Variants in CRYBG3 observed in about 807,000 individuals in gnomAD.
CRYBG3 encodes the protein crystallin beta-gamma domain containing 3, also known as very large A-kinase anchor protein.
CRYBG3 carries 127 observed loss-of-function variants against 244.2 expected under a neutral mutation model. The ratio of observed to expected loss-of-function variants is 0.52; its 90% CI spans 0.45 to 0.60. CRYBG3 has a LOEUF of 0.60. CRYBG3 is among the 20% of genes least tolerant of loss of function. The pLI, the probability that CRYBG3 is intolerant of heterozygous loss-of-function variation, is 0.00. For missense variants in CRYBG3, 3,325 were observed against 3,442.5 expected, an observed-to-expected ratio of 0.97 and a Z score of 0.85; for synonymous variants, 1,132 against 1,195.8, an observed-to-expected ratio of 0.95 and a Z score of 1.10.
chr3:97,853,517 A>C (rs576431940), intron 2 of CRYBG3, among the ~76,000 whole-genome samples: 1 of 152,202 alleles, frequency 6.6e-6, no homozygotes, highest in East Asian at 1.9e-4. Context: ...TGCTATAAAC[A>C]TGTGAGTGCA....
Position 97,873,345 on chromosome 3 carries a change from T to C in CRYBG3, c.2151T>C (p.Pro717=). ...NHVEAAGRKS[P]PPSFCLEYTS... ...TTGAGGCTGCAGGCAGGAAGAGTCC[T>C]CCTCCTTCCTTTTGCCTTGAATATA... The change falls in exon 4 of 22, where the codon CCT becomes CCC. Residue 717 remains proline, a synonymous_variant. Coordinates refer to ENST00000389622, the MANE Select transcript of CRYBG3 (RefSeq NM_153605.4). The C allele has an allele frequency of 6.5e-7, 1 of 1,535,952 alleles. No individual in the cohort carries two copies. Among genetic ancestry groups the C allele is most frequent in the Non-Finnish European group, 8.7e-7 (1 of 1,146,780 alleles).
intron 21 of CRYBG3, 177 bp downstream of exon 21, chr3:97,942,620 C>A: frequency 1.7e-6 from 1 of 576,716 alleles, no homozygotes; most frequent in Non-Finnish European, 2.9e-6. Context: ...CAGAAAAAGC[C>A]AAACAACAAA....
At position 97,875,302 on chromosome 3, in the gene CRYBG3, C is replaced by A. The variant is rs1006845762; in HGVS notation, c.4108C>A (p.Gln1370Lys). 2 of 1,448,540 alleles carry A rather than the reference C, an allele frequency of 1.4e-6. No individual in the cohort carries two copies. The highest frequency in any genetic ancestry group is 1.4e-5 in the African/African-American group (1 of 69,868). 89.7% of individuals were successfully genotyped at this position (1,448,540 alleles called of 1,614,324 possible). A position where few individuals can be genotyped will look rare whatever the true frequency, so the allele number is the denominator to read the frequency against. The change falls in exon 4 of 22, where the codon CAA (glutamine) becomes AAA (lysine). Residue 1370 changes from glutamine to lysine, a missense_variant. Coordinates refer to ENST00000389622, the MANE Select transcript of CRYBG3 (RefSeq NM_153605.4). ...VSEQPVNQST[Q>K]ISENKVLNEF... ...AGAACAGCCAGTAAATCAAAGCACA[C>A]AAATTAGTGAAAATAAAGTATTAAA...
chr3:97,858,933 C>G (rs1190480835), intron 2 of CRYBG3, among the ~76,000 whole-genome samples: 1 of 151,822 alleles, frequency 6.6e-6, no homozygotes, highest in East Asian at 1.9e-4. Context: ...GGAATAAGTA[C>G]CTTCTTCAAT....
chr3:97,911,057 A>C (rs1444641035), intron 15 of CRYBG3, among the ~76,000 whole-genome samples: 1 of 152,210 alleles, frequency 6.6e-6, no homozygotes, highest in Admixed American at 6.5e-5. Flanking sequence ...TGCAAGCCAC[A>C]GATGATATGG....
chr3:97,888,201 G>A (rs2039531737), intron 8 of CRYBG3, 140 bp from the exon 9 acceptor site: 1 of 597,858 alleles, frequency 1.7e-6, no homozygotes, highest in East Asian at 2.8e-5. Flanking sequence ...TATAATGTCT[G>A]GCTCTCACTT....
intron 17 of CRYBG3, among the ~76,000 whole-genome samples, chr3:97,916,372 C>T (rs572702066): frequency 1.3e-5 from 2 of 152,212 alleles, no homozygotes; most frequent in African/African-American, 4.8e-5. Context: ...TCTGGGTCAC[C>T]TCTGAGGCCC....
At chr3:97,899,945 T>C (rs1379387230) in intron 14 of CRYBG3, among the ~76,000 whole-genome samples, 2 of 152,192 alleles carry the variant, frequency 1.3e-5, no homozygotes, top group Non-Finnish European at 2.9e-5. Context: ...CCTACAATAT[T>C]ACTTAATATG....
At chr3:97,906,441 T>A (rs2108245210) in intron 15 of CRYBG3, among the ~76,000 whole-genome samples, 1 of 111,074 alleles carries the variant, frequency 9.0e-6, no homozygotes, top group Non-Finnish European at 1.9e-5. Flanking sequence ...TTTGTAGTTC[T>A]CCTTGAAGAG....
intron 17 of CRYBG3, among the ~76,000 whole-genome samples, chr3:97,922,247 C>T (rs1001758194): frequency 6.6e-6 from 1 of 152,088 alleles, no homozygotes; most frequent in African/African-American, 2.4e-5. Context: ...AGAAGAAAAC[C>T]TAAGCAATAC....
chr3:97,849,238 G>T (rs1448127012), intron 2 of CRYBG3, among the ~76,000 whole-genome samples: 1 of 152,156 alleles, frequency 6.6e-6, no homozygotes, highest in Non-Finnish European at 1.5e-5. Context: ...TTGCCTTCTT[G>T]CCATATAAAG....
At chr3:97,898,435 T>C (rs1390071127) in intron 12 of CRYBG3, among the ~76,000 whole-genome samples, 1 of 152,170 alleles carries the variant, frequency 6.6e-6, no homozygotes, top group Non-Finnish European at 1.5e-5. Flanking sequence ...CTCTCATCAT[T>C]TTAAATTTTA....
chr3:97,942,882 A>G (rs901928101), intron 21 of CRYBG3: 1 of 251,060 alleles, frequency 4.0e-6, no homozygotes, highest in Non-Finnish European at 7.4e-6. Context: ...TGTTGCTTTA[A>G]TTGGGTTAGT....
rs529323079 is a variant in CRYBG3 at position 97,872,056 on chromosome 3, A to G, written c.862A>G (p.Thr288Ala). 1.8e-5 allele frequency: 27 copies of G among 1,535,798 alleles called. No individual in the cohort carries two copies. The African/African-American group carries it at 3.3e-4, about 19-fold the overall frequency. The change falls in exon 4 of 22, where the codon ACA becomes GCA. Residue 288 changes from threonine to alanine, a missense_variant. Physicochemically the swap from Thr to Ala is moderately conservative, Grantham distance 58 (BLOSUM62 0). Around this residue, in one of 4 missense-constraint regions of CRYBG3, gnomAD observed 1,526 missense variants for 1,443.2 expected, o/e 1.06. Coordinates refer to ENST00000389622, the MANE Select transcript of CRYBG3 (RefSeq NM_153605.4). ...ACTGCCACTGTTGTTATCAGCTAGT[A>G]CAGACTCATCTATGAAAGGAAATCT... The part of the protein sequence containing the change: ...GVLPLLLSAS[T>A]DSSMKGNLLE...
At chr3:97,910,772 C>A (rs1043298108) in intron 15 of CRYBG3, among the ~76,000 whole-genome samples, 2 of 152,136 alleles carry the variant, frequency 1.3e-5, no homozygotes, top group African/African-American at 2.4e-5. Context: ...GGCTCCTCCC[C>A]CTTCTTTTAT....
At chr3:97,912,318 C>A in intron 16 of CRYBG3, 42 bp downstream of exon 16, 2 of 995,994 alleles carry the variant, frequency 2.0e-6, no homozygotes, top group Non-Finnish European at 3.0e-6. Context: ...TATTTAATAA[C>A]TAATACTTTT....
At chr3:97,887,279 T>C (rs181616356) in intron 8 of CRYBG3, among the ~76,000 whole-genome samples, 41 of 152,176 alleles carry the variant, frequency 2.7e-4, no homozygotes, top group African/African-American at 9.2e-4. Flanking sequence ...GGACTATGGG[T>C]CTAAGTTCAG....
At chr3:97,861,116 C>A (rs1267050718) in intron 2 of CRYBG3, among the ~76,000 whole-genome samples, 3 of 152,122 alleles carry the variant, frequency 2.0e-5, no homozygotes, top group Non-Finnish European at 2.9e-5. Flanking sequence ...TCCTCACCCA[C>A]CACTTCTAAC....
At position 97,943,976 on chromosome 3, in the gene CRYBG3, C is replaced by CAAAT. The variant is rs1334262537; in HGVS notation, c.*669_*672dup. 2 of 151,866 alleles carry CAAAT rather than the reference C, an allele frequency of 1.3e-5. No homozygotes were observed. Among genetic ancestry groups the CAAAT allele is most frequent in the African/African-American group, 4.8e-5 (2 of 41,364 alleles). The allele number at this position is 151,866 out of a possible 1,614,324, so 9.4% of individuals were successfully genotyped here. Reference sequence around the variant, plus strand: ...CTCAGTCCTTCAAACTAAAAAAGTACAAATAAATAACCTATGGCCAAACTT... The same window carrying CAAAT: ...CTCAGTCCTTCAAACTAAAAAAGTACAAATAAATAAATAACCTATGGCCAAACTT... On this transcript the variant is annotated 3_prime_UTR_variant, in exon 22 of 22. Coordinates refer to ENST00000389622, the MANE Select transcript of CRYBG3 (RefSeq NM_153605.4).
Sources: gnomAD v4.1 joint callset for allele counts (sites outside exome capture counted in the v4.1 genomes callset) on GRCh38, gnomAD v4.1.1 for gene constraint, gnomAD v4.1.1 regional missense constraint, MANE v1.5 for transcripts, NCBI Gene and HGNC (gene_info 2026-07-23, HGNC 2026-07-21) for gene names.